ZNF782: variants seen among roughly 807,000 people sequenced by gnomAD.
The protein encoded by ZNF782 is zinc finger protein 782.
A neutral mutation model predicts 13.0 loss-of-function variants in ZNF782; 12 were observed. That is an observed-to-expected ratio of 0.92 (90% CI 0.59 to 1.50). The LOEUF (loss-of-function observed/expected upper bound fraction) is 1.50, where lower values mean the gene tolerates loss of function less well. ZNF782 is among the 40% of genes most tolerant of loss of function. The pLI, the probability that ZNF782 is intolerant of heterozygous loss-of-function variation, is 0.00. For missense variants in ZNF782, 770 were observed against 822.9 expected (o/e 0.94, Z 0.79); for synonymous variants, 284 against 283.0 (o/e 1.00, Z -0.04).
rs1850195713 is a variant in ZNF782, at chr9:96,817,087, C to T, written c.*836G>A. On this transcript the variant is annotated 3_prime_UTR_variant, in exon 6 of 6. Coordinates refer to ENST00000481138, the MANE Select transcript of ZNF782 (RefSeq NM_001001662.3). ...CATGCCACAGGATCCTTCTCTGACC[C>T]GGGTTCCTACCATCTTGTACTTTCC... The T allele has an allele frequency of 6.6e-6, 1 of 152,032 alleles. No homozygotes were observed. Among genetic ancestry groups the T allele is most frequent in the African/African-American group, 2.4e-5 (1 of 41,400 alleles). 9.4% of individuals were successfully genotyped at this position (152,032 alleles called of 1,614,324 possible).
chr9:96,863,166 TTGAC>T lies in ZNF782; in HGVS notation c.-456-1567_-456-1564del, dbSNP rs552388494. 2.0e-4 allele frequency among the ~76,000 whole-genome samples: 31 copies of T among 152,374 alleles called. No homozygotes were observed. In the East Asian group the frequency reaches 6.0e-3, roughly 29 times the overall value. On this transcript the variant is annotated intron_variant, in intron 1 of 5. Transcript: ENST00000498811. ...GTTGATTATTTATAATGGTCTCTTT[TTGAC>T]TGTAAATTGAACCATTTAAAAATTA...
At chr9:96,899,179 T>C in the ZNF782 span, among the ~76,000 whole-genome samples, 4 of 151,440 alleles carry the variant, frequency 2.6e-5, no homozygotes, top group African/African-American at 7.3e-5. Context: ...TGCCAAAATT[T>C]CCTTCTTTTT....
chr9:96,851,677 C>T (rs918735313), intron 3 of ZNF782, among the ~76,000 whole-genome samples: 1 of 152,282 alleles, frequency 6.6e-6, no homozygotes, highest in Middle Eastern at 3.4e-3. Context: ...TTTACAGATT[C>T]AAGGACACAG....
At chr9:96,926,881 G>A in the ZNF782 span, among the ~76,000 whole-genome samples, 1 of 152,150 alleles carries the variant, frequency 6.6e-6, no homozygotes, top group African/African-American at 2.4e-5. Context: ...TGGTCCGGCT[G>A]AAGGCCTCTT....
At chr9:96,873,014 A>T (rs2118890548) in intron 1 of ZNF782, among the ~76,000 whole-genome samples, 1 of 152,320 alleles carries the variant, frequency 6.6e-6, no homozygotes, top group Admixed American at 6.5e-5. Flanking sequence ...CAGACCACAT[A>T]ATTTGACTTT....
intron 4 of ZNF782, among the ~76,000 whole-genome samples, chr9:96,833,430 T>C (rs989198894): frequency 1.3e-5 from 2 of 152,210 alleles, no homozygotes; most frequent in Non-Finnish European, 2.9e-5. Flanking sequence ...TTGGGTCACC[T>C]TGACAGTTTA....
At chr9:96,879,202 A>C (rs555243824), upstream of ZNF782, among the ~76,000 whole-genome samples, 76 of 152,340 alleles carry the variant, frequency 5.0e-4, no homozygotes, top group African/African-American at 1.8e-3. Context: ...ACAATGGGAT[A>C]CTTAGGCCGG....
At chr9:96,823,376 C>A (rs1474021392) in intron 5 of ZNF782, among the ~76,000 whole-genome samples, 1 of 152,202 alleles carries the variant, frequency 6.6e-6, no homozygotes, top group African/African-American at 2.4e-5. Context: ...AATATGTTTC[C>A]ATTTTTCCTC....
the ZNF782 span, among the ~76,000 whole-genome samples, chr9:96,918,439 A>C: frequency 1.3e-5 from 2 of 150,402 alleles, no homozygotes; most frequent in East Asian, 3.9e-4. Flanking sequence ...CTATATATTG[A>C]GTAAGGAGAA....
At chr9:96,886,127 C>A in the ZNF782 span, among the ~76,000 whole-genome samples, 3 of 150,934 alleles carry the variant, frequency 2.0e-5, no homozygotes, top group South Asian at 6.3e-4. Flanking sequence ...GGATTATAGG[C>A]ATCAGCTATC....
At chr9:96,874,707 A>T (rs558359627) in intron 1 of ZNF782, among the ~76,000 whole-genome samples, 2 of 152,312 alleles carry the variant, frequency 1.3e-5, no homozygotes, top group Admixed American at 1.3e-4. Flanking sequence ...GTAAGGTCAG[A>T]GGGGTGTTCT....
chr9:96,840,937 A>C (rs1239164984), intron 4 of ZNF782, among the ~76,000 whole-genome samples: 1 of 152,038 alleles, frequency 6.6e-6, no homozygotes, highest in Non-Finnish European at 1.5e-5. Flanking sequence ...AAAAAAACAA[A>C]AGAGAAAGAT....
At chr9:96,848,842 A>G (rs1851414033) in intron 3 of ZNF782, among the ~76,000 whole-genome samples, 1 of 152,216 alleles carries the variant, frequency 6.6e-6, no homozygotes, top group Non-Finnish European at 1.5e-5. Context: ...TTCATACGGA[A>G]TAAAAAAGAG....
intron 4 of ZNF782, among the ~76,000 whole-genome samples, chr9:96,836,526 C>A (rs1378360416): frequency 6.6e-6 from 1 of 152,122 alleles, no homozygotes; most frequent in Non-Finnish European, 1.5e-5. Context: ...ATTTTACAGG[C>A]TTGTAGCTGG....
intron 1 of ZNF782, among the ~76,000 whole-genome samples, chr9:96,870,649 G>C (rs1346915730): frequency 6.6e-6 from 1 of 152,210 alleles, no homozygotes; most frequent in Non-Finnish European, 1.5e-5. Context: ...AGTGAACTAT[G>C]TAAGGGTTTA....
chr9:96,848,604 C>A (rs1851405459), intron 3 of ZNF782, among the ~76,000 whole-genome samples: 1 of 151,984 alleles, frequency 6.6e-6, no homozygotes, highest in Non-Finnish European at 1.5e-5. Flanking sequence ...AAAAAAACAA[C>A]CTAATAATAT....
chr9:96,931,119 C>T, the ZNF782 span, among the ~76,000 whole-genome samples: 4 of 151,960 alleles, frequency 2.6e-5, no homozygotes, highest in Non-Finnish European at 5.9e-5. Flanking sequence ...AACTCCTGAC[C>T]TCAGGTGATC....
the ZNF782 span, among the ~76,000 whole-genome samples, chr9:96,882,049 T>C: frequency 6.6e-6 from 1 of 151,670 alleles, no homozygotes; most frequent in Admixed American, 6.6e-5. Context: ...TAATCAGAAA[T>C]CTAAAAAATA....
rs148208867 is a variant in ZNF782, at chr9:96,847,628, C to A, written c.16-2612G>T. ...AGATTAAATCAGGAAGAAACTGAAACCCTGAATAGACTACAAGTAGAGAGA... is the reference window on the plus strand; with the variant it reads ...AGATTAAATCAGGAAGAAACTGAAAACCTGAATAGACTACAAGTAGAGAGA... On this transcript the variant is annotated intron_variant, in intron 3 of 5. Coordinates refer to ENST00000481138, the MANE Select transcript of ZNF782 (RefSeq NM_001001662.3). Among the ~76,000 whole-genome samples the A allele has an allele frequency of 6.8e-3, 1,033 of 152,128 alleles. 12 individuals are homozygous for A. The highest frequency in any genetic ancestry group is 0.023 in the African/African-American group (966 of 41,512).
Sources: gnomAD v4.1 joint callset for allele counts (sites outside exome capture counted in the v4.1 genomes callset) on GRCh38, gnomAD v4.1.1 for gene constraint, MANE v1.5 for transcripts, NCBI Gene and HGNC (gene_info 2026-07-23, HGNC 2026-07-21) for gene names.